The following APTX variants were observed in gnomAD, a reference collection of about 807,000 sequenced individuals.
APTX encodes aprataxin.
Under a neutral mutation model 42.3 loss-of-function variants are expected in APTX, and 33 were observed. That is an observed-to-expected ratio of 0.78 (90% CI 0.59 to 1.04). The LOEUF (loss-of-function observed/expected upper bound fraction) is 1.04, where lower values mean the gene tolerates loss of function less well. Ranked by LOEUF, APTX falls within the 50% of genes least tolerant of loss-of-function variation. The probability of loss-of-function intolerance (pLI) is 0.00; values close to 1 mark genes in which losing one functional copy is unlikely to be tolerated. For synonymous variants in APTX, 130 were observed against 146.7 expected (o/e 0.89, Z 0.82); for missense variants, 421 against 415.1 (o/e 1.01, Z -0.12).
chr9:32,990,173 ATTTAT>A (rs1022134509), intron 1 of APTX: 24 of 327,056 alleles, frequency 7.3e-5, no homozygotes, highest in Admixed American at 1.3e-4. Flanking sequence ...TTATTTATTT[ATTTAT>A]TTTATTTATT....
rs1219271000 is a variant in APTX at position 32,989,898 on chromosome 9, A to G, written c.-4-3T>C. 3.1e-6 allele frequency: 5 copies of G among 1,613,474 alleles called. No homozygotes were observed. The highest frequency in any genetic ancestry group is 4.2e-6 in the Non-Finnish European group (5 of 1,179,706). On this transcript the variant is annotated splice_polypyrimidine_tract_variant and splice_region_variant and intron_variant, in intron 1 of 7. Coordinates refer to ENST00000379817, the MANE Select transcript of APTX (RefSeq NM_001195248.2). Reference sequence around the variant, plus strand: ...ACCAGCACACCCGCATCATCACTCTAAGGGACAAAACAAAAGAATCACTAG... The same window carrying G: ...ACCAGCACACCCGCATCATCACTCTGAGGGACAAAACAAAAGAATCACTAG...
intron 1 of APTX, among the ~76,000 whole-genome samples, chr9:32,991,498 C>T (rs1432702426): frequency 6.6e-6 from 1 of 151,996 alleles, no homozygotes; most frequent in Non-Finnish European, 1.5e-5. Flanking sequence ...TAAAAGGACA[C>T]ACTGGCCAGG....
intron 1 of APTX, among the ~76,000 whole-genome samples, chr9:32,995,228 T>C (rs555185756): frequency 4.6e-5 from 7 of 152,206 alleles, no homozygotes; most frequent in Non-Finnish European, 1.0e-4. Context: ...ATTCTTCTGA[T>C]GGACCTGGAA....
rs750884035 is a variant in APTX, at chr9:32,973,134, C to T, written c.*364G>A. The T allele has an allele frequency of 1.2e-4, 54 of 462,176 alleles. No homozygotes were observed. The highest frequency in any genetic ancestry group is 1.9e-4 in the Admixed American group (8 of 42,778). 28.6% of individuals were successfully genotyped at this position (462,176 alleles called of 1,614,324 possible). ...TAAAGGTTGTCCATGCCTACAGAGG[C>T]GGAGGATAAATCTAAGAAACAGAAA... On this transcript the variant is annotated 3_prime_UTR_variant, in exon 8 of 8. Transcript: ENST00000379817.
Position 32,987,863 on chromosome 9 carries a change from C to T in APTX, c.181-17G>A, listed in dbSNP as rs748466907. ...GACTCCTACCTATGGAATAAACAAT[C>T]AGAAAATAATTATAATAATAGCAAC... On this transcript the variant is annotated splice_polypyrimidine_tract_variant and intron_variant, in intron 3 of 7. Transcript: ENST00000379817. The T allele has an allele frequency of 6.2e-7, 1 of 1,612,058 alleles. No individual in the cohort carries two copies. Among genetic ancestry groups the T allele is most frequent in the Admixed American group, 1.7e-5 (1 of 59,954 alleles).
intron 1 of APTX, 126 bp downstream of exon 1, chr9:33,001,438 CGTG>C: frequency 6.4e-7 from 1 of 1,556,664 alleles, no homozygotes; most frequent in Non-Finnish European, 8.6e-7. Flanking sequence ...AGAAAGCAGC[CGTG>C]AGAGCAGCGC....
chr9:33,005,463 G>C (rs564711035), upstream of APTX, among the ~76,000 whole-genome samples: 2 of 152,068 alleles, frequency 1.3e-5, no homozygotes, highest in South Asian at 4.2e-4. Flanking sequence ...GTGAGACAGA[G>C]TCTTGCTCTG....
chr9:33,014,750 AG>A (rs1564003906), intron 1 of APTX, among the ~76,000 whole-genome samples: 1 of 152,256 alleles, frequency 6.6e-6, no homozygotes, highest in African/African-American at 2.4e-5. Flanking sequence ...CCACCCTAGA[AG>A]TATTGCTGTA....
At chr9:32,977,215 G>A (rs190678536) in intron 6 of APTX, among the ~76,000 whole-genome samples, 1 of 152,136 alleles carries the variant, frequency 6.6e-6, no homozygotes, top group East Asian at 1.9e-4. Flanking sequence ...ACCCAAGCAC[G>A]TGGCTCATAC....
At chr9:32,975,829 G>GT (rs1485948840) in intron 6 of APTX, among the ~76,000 whole-genome samples, 1 of 152,170 alleles carries the variant, frequency 6.6e-6, no homozygotes, top group Non-Finnish European at 1.5e-5. Flanking sequence ...TTTAAATGCT[G>GT]TTTTTTCTGT....
At chr9:32,975,335 A>G (rs1339242050) in intron 6 of APTX, among the ~76,000 whole-genome samples, 1 of 152,222 alleles carries the variant, frequency 6.6e-6, no homozygotes, top group Admixed American at 6.5e-5. Flanking sequence ...TGTTAACAAT[A>G]AAAATTGAAT....
At chr9:32,991,666 A>G (rs565736582) in intron 1 of APTX, among the ~76,000 whole-genome samples, 110 of 152,010 alleles carry the variant, frequency 7.2e-4, no homozygotes, top group South Asian at 1.9e-3. Flanking sequence ...CCTCCCACCT[A>G]CTCGGGAGGC....
At chr9:33,011,016 G>A (rs370461392) in intron 1 of APTX, among the ~76,000 whole-genome samples, 2 of 151,838 alleles carry the variant, frequency 1.3e-5, no homozygotes, top group Non-Finnish European at 2.9e-5. Flanking sequence ...GGTGGTGCAC[G>A]CCTGTAATCC....
intron 1 of APTX, among the ~76,000 whole-genome samples, chr9:33,020,951 A>G (rs1237684954): frequency 6.6e-6 from 1 of 152,156 alleles, no homozygotes; most frequent in African/African-American, 2.4e-5. Context: ...CAACATGGAG[A>G]AACCCTGTCT....
chr9:32,974,669 T>C lies in APTX; in HGVS notation c.771-108A>G, dbSNP rs941518671. On this transcript the variant is annotated intron_variant, in intron 6 of 7. Transcript: ENST00000379817. Reference sequence around the variant, plus strand: ...GTATATTCATACTATTGAATACTCTTTGAATATTCATACTATTGAAGTGAT... The same window carrying C: ...GTATATTCATACTATTGAATACTCTCTGAATATTCATACTATTGAAGTGAT... The C allele has an allele frequency of 6.2e-5, 43 of 697,378 alleles. No homozygotes were observed. The African/African-American group carries it at 7.2e-4, about 12-fold the overall frequency. 43.2% of individuals were successfully genotyped at this position (697,378 alleles called of 1,614,324 possible).
At chr9:33,001,988 CTGTAGCACTGCTACTT>C (rs1836652263), upstream of APTX, among the ~76,000 whole-genome samples, 1 of 152,208 alleles carries the variant, frequency 6.6e-6, no homozygotes, top group South Asian at 2.1e-4. Context: ...AGACAACCTG[CTGTAGCACTGCTACTT>C]GCTTTTTAAA....
chr9:32,979,201 T>C (rs1374160024), intron 6 of APTX, among the ~76,000 whole-genome samples: 1 of 152,104 alleles, frequency 6.6e-6, no homozygotes. Context: ...CTCCCGCCAC[T>C]GTCAAATAGG....
chr9:32,983,680 A>G (rs1831225074), intron 6 of APTX, among the ~76,000 whole-genome samples: 1 of 152,232 alleles, frequency 6.6e-6, no homozygotes, highest in African/African-American at 2.4e-5. Flanking sequence ...ACATGCTACA[A>G]CATGGATAAG....
At chr9:32,987,878 A>G (rs1224208610) in intron 3 of APTX, 32 bp from the exon 4 acceptor site, 22 of 1,609,484 alleles carry the variant, frequency 1.4e-5, no homozygotes, top group Non-Finnish European at 1.7e-5. Context: ...AATAATTATA[A>G]TAATAGCAAC....
Sources: gnomAD v4.1 joint callset for allele counts (sites outside exome capture counted in the v4.1 genomes callset) on GRCh38, gnomAD v4.1.1 for gene constraint, MANE v1.5 for transcripts, NCBI Gene and HGNC (gene_info 2026-07-23, HGNC 2026-07-21) for gene names.